The following CEP112 variants were observed in gnomAD, a reference collection of about 807,000 sequenced individuals.
The protein encoded by CEP112 is centrosomal protein of 112 kDa.
A neutral mutation model predicts 153.0 loss-of-function variants in CEP112; 127 were observed. The ratio of observed to expected loss-of-function variants is 0.83; its 90% CI spans 0.72 to 0.96. The LOEUF is 0.96. Ranked by LOEUF, CEP112 falls within the 40% of genes least tolerant of loss-of-function variation. The pLI is 0.00. For synonymous variants in CEP112, 358 were observed against 374.4 expected, an observed-to-expected ratio of 0.96 and a Z score of 0.51; for missense variants, 1,089 against 1,101.2, an observed-to-expected ratio of 0.99 and a Z score of 0.16.
At chr17:65,944,578 A>G (rs906440839) in intron 18 of CEP112, among the ~76,000 whole-genome samples, 1 of 149,234 alleles carries the variant, frequency 6.7e-6, no homozygotes, top group African/African-American at 2.5e-5. Flanking sequence ...TTAAAACTCT[A>G]TTTTTTTTTT....
chr17:65,957,065 A>T (rs1280859750), intron 18 of CEP112, among the ~76,000 whole-genome samples: 1 of 152,290 alleles, frequency 6.6e-6, no homozygotes, highest in African/African-American at 2.4e-5. Context: ...GTTACTAAGA[A>T]CAGTGCACAA....
At chr17:66,043,706 G>A (rs1400972365) in intron 12 of CEP112, among the ~76,000 whole-genome samples, 5 of 152,040 alleles carry the variant, frequency 3.3e-5, no homozygotes, top group African/African-American at 1.2e-4. Context: ...TTTAATATTT[G>A]TTTTAAAAAT....
chr17:66,116,244 T>C (rs1401684775), intron 6 of CEP112, among the ~76,000 whole-genome samples: 1 of 152,126 alleles, frequency 6.6e-6, no homozygotes, highest in Non-Finnish European at 1.5e-5. Flanking sequence ...TCTACCATTA[T>C]GATCTCTTTT....
chr17:65,693,933 T>A (rs2048241987), intron 23 of CEP112, among the ~76,000 whole-genome samples: 1 of 152,036 alleles, frequency 6.6e-6, no homozygotes, highest in Non-Finnish European at 1.5e-5. Flanking sequence ...GAACTAGGAA[T>A]CAGGCAGGCT....
At position 65,869,634 on chromosome 17, in the gene CEP112, C is replaced by T. The variant is rs9894460; in HGVS notation, c.2164-17600G>A. 2.8e-3 allele frequency among the ~76,000 whole-genome samples: 403 copies of T among 146,158 alleles called. 1 individual carries two copies. Among genetic ancestry groups the T allele is most frequent in the African/African-American group, 9.9e-3 (388 of 39,314 alleles). On this transcript the variant is annotated intron_variant, in intron 20 of 26. Transcript: ENST00000535342. ...TCACTCTGTTGCCCAGGCTGGAGTG[C>T]AGTGGTGTGATCTCTGCTCACTGCA...
intron 18 of CEP112, among the ~76,000 whole-genome samples, chr17:65,948,483 T>C (rs1179978125): frequency 6.6e-6 from 1 of 152,120 alleles, no homozygotes; most frequent in Non-Finnish European, 1.5e-5. Flanking sequence ...TTGCTGCCAA[T>C]ACTTCAGAGA....
chr17:65,771,845 T>A (rs368613884), intron 21 of CEP112, among the ~76,000 whole-genome samples: 16 of 152,078 alleles, frequency 1.1e-4, no homozygotes, highest in African/African-American at 3.6e-4. Flanking sequence ...TGAGACCCCA[T>A]GTCTAAGAAA....
At chr17:65,884,193 G>C (rs1177974467) in intron 20 of CEP112, among the ~76,000 whole-genome samples, 1 of 152,192 alleles carries the variant, frequency 6.6e-6, no homozygotes, top group Non-Finnish European at 1.5e-5. Context: ...TGTTCAACGT[G>C]AAACAGAGGA....
chr17:65,948,930 A>T lies in CEP112; in HGVS notation c.1872+12533T>A, dbSNP rs138127547. 5.0e-3 allele frequency among the ~76,000 whole-genome samples: 768 copies of T among 152,352 alleles called. 4 individuals are homozygous for T. The highest frequency in any genetic ancestry group is 7.6e-3 in the Admixed American group (117 of 15,310). ...GTTTCCAAATGGAAAAAGATGCCCTACAGCTCTGCTGGCTTTTAAACAAAA... is the reference window on the plus strand; with the variant it reads ...GTTTCCAAATGGAAAAAGATGCCCTTCAGCTCTGCTGGCTTTTAAACAAAA... On this transcript the variant is annotated intron_variant, in intron 18 of 26. Transcript: ENST00000535342.
chr17:66,029,087 T>C (rs779032222), intron 14 of CEP112, 36 bp downstream of exon 14: 1 of 1,510,792 alleles, frequency 6.6e-7, no homozygotes, highest in African/African-American at 1.4e-5. Context: ...AGTGAATAAA[T>C]ACTTCATGTG....
chr17:66,118,094 C>T (rs2069389342), intron 6 of CEP112, among the ~76,000 whole-genome samples: 1 of 152,118 alleles, frequency 6.6e-6, no homozygotes, highest in African/African-American at 2.4e-5. Context: ...CTATGGAGAA[C>T]AGTATGGTGG....
chr17:65,994,124 C>G (rs1164414500), intron 17 of CEP112, among the ~76,000 whole-genome samples: 2 of 151,868 alleles, frequency 1.3e-5, no homozygotes, highest in Non-Finnish European at 2.9e-5. Flanking sequence ...CGGCTTGTGG[C>G]TAGGGTGTTT....
At chr17:65,717,492 T>C (rs555582167) in intron 23 of CEP112, among the ~76,000 whole-genome samples, 51 of 152,238 alleles carry the variant, frequency 3.4e-4, no homozygotes, top group Non-Finnish European at 5.9e-4. Flanking sequence ...TTAATACTTA[T>C]CTTTTCTTTT....
intron 23 of CEP112, among the ~76,000 whole-genome samples, chr17:65,713,541 A>G (rs904025986): frequency 6.6e-6 from 1 of 152,080 alleles, no homozygotes; most frequent in Non-Finnish European, 1.5e-5. Flanking sequence ...CAATCCCTCC[A>G]TTTCTTTAAC....
rs117823966 is a variant in CEP112 at position 65,767,291 on chromosome 17, A to T, written c.2395-16567T>A. ...ACAACTGGCTCTAAATAATCAATGG[A>T]TCAAAGAAGAAATCAAAAGAAAAAC... On this transcript the variant is annotated intron_variant, in intron 21 of 26. Coordinates refer to ENST00000535342, the MANE Select transcript of CEP112 (RefSeq NM_001199165.4). 8.3e-3 allele frequency among the ~76,000 whole-genome samples: 1,266 copies of T among 152,220 alleles called. 14 individuals carry two copies. Among genetic ancestry groups the T allele is most frequent in the South Asian group, 0.02 (96 of 4,828 alleles).
At chr17:66,045,345 C>T (rs2066161133) in intron 12 of CEP112, among the ~76,000 whole-genome samples, 1 of 152,180 alleles carries the variant, frequency 6.6e-6, no homozygotes, top group Non-Finnish European at 1.5e-5. Flanking sequence ...ACTGGGGTTA[C>T]AGGCGTGAGC....
intron 3 of CEP112, 40 bp downstream of exon 3, chr17:66,176,790 A>T: frequency 1.4e-6 from 2 of 1,457,160 alleles, no homozygotes; most frequent in Non-Finnish European, 1.9e-6. Context: ...GCTTTTTTTT[A>T]AATGAAACTA....
intron 8 of CEP112, among the ~76,000 whole-genome samples, chr17:66,095,280 A>G (rs2068294671): frequency 6.6e-6 from 1 of 152,128 alleles, no homozygotes; most frequent in Non-Finnish European, 1.5e-5. Context: ...TGTGATATAT[A>G]TATACACATA....
chr17:65,941,772 T>G (rs923853078), intron 18 of CEP112, among the ~76,000 whole-genome samples: 22 of 144,096 alleles, frequency 1.5e-4, no homozygotes, highest in Non-Finnish European at 2.0e-4. Flanking sequence ...GTTAGGTTTT[T>G]TTTTGTTTTG....
Sources: allele counts gnomAD v4.1 joint callset (sites outside exome capture counted in the v4.1 genomes callset), GRCh38; gene constraint gnomAD v4.1.1; transcripts MANE v1.5; gene names NCBI Gene and HGNC (gene_info 2026-07-23, HGNC 2026-07-21).